PCDH18: variants seen among roughly 807,000 people sequenced by gnomAD.
The protein encoded by PCDH18 is protocadherin 18.
A neutral mutation model predicts 71.5 loss-of-function variants in PCDH18; 38 were observed. That is an observed-to-expected ratio of 0.53 (90% CI 0.41 to 0.70). PCDH18 has a LOEUF of 0.70. Among genes scored for constraint, PCDH18 ranks in the 30% least tolerant of loss-of-function variants. The pLI is 0.00. For missense variants in PCDH18, 1,334 were observed against 1,384.6 expected, an observed-to-expected ratio of 0.96 and a Z score of 0.58; for synonymous variants, 565 against 505.4, an observed-to-expected ratio of 1.12 and a Z score of -1.58.
In PCDH18 at chr4:137,531,666, G is replaced by A; in HGVS notation, c.423C>T (p.Leu141=). 1 of 1,614,004 alleles carries A rather than the reference G, an allele frequency of 6.2e-7. No individual in the cohort carries two copies. Among genetic ancestry groups the A allele is most frequent in the Non-Finnish European group, 8.5e-7 (1 of 1,179,856 alleles). Residue 141 remains leucine (L), a synonymous_variant, in exon 1 of 4, where the codon CTC becomes CTT. Coordinates refer to ENST00000344876, the MANE Select transcript of PCDH18 (RefSeq NM_019035.5). ...CACTCTCAGATATCTCAATAGGTAT[G>A]AGAGATCTTGAAAACTGGGGAGAAT... is the stretch of plus-strand genomic sequence containing the variant. ...NDNSPQFSRS[L]IPIEISESAA...
rs367835292 is a variant in PCDH18, at chr4:137,523,316, T to C, written c.2741-1620A>G. 5.3e-5 allele frequency among the ~76,000 whole-genome samples: 8 copies of C among 151,876 alleles called. No individual in the cohort carries two copies. In the East Asian group the frequency reaches 1.6e-3, roughly 30 times the overall value. On this transcript the variant is annotated intron_variant, in intron 3 of 3. Transcript: ENST00000344876. ...TAGATTTCCTGACTTCATGCAGTATTACTACTTGGAAATGTTTACCAACTT... is the reference window on the plus strand; with the variant it reads ...TAGATTTCCTGACTTCATGCAGTATCACTACTTGGAAATGTTTACCAACTT...
chr4:137,526,526 T>C (rs1731465971), intron 3 of PCDH18, among the ~76,000 whole-genome samples: 1 of 152,120 alleles, frequency 6.6e-6, no homozygotes, highest in Admixed American at 6.6e-5. Context: ...ATTCTAAATA[T>C]ATTCCACTAA....
chr4:137,528,650 AT>A lies in PCDH18; in HGVS notation c.2577-10del. The stretch of plus-strand genomic sequence containing the variant: ...TGTCTTGAAGGGCATATCTGGAAAG[AT>A]AAATCACAAAAAAAAATTACAGTTT... On this transcript the variant is annotated splice_polypyrimidine_tract_variant and intron_variant, in intron 2 of 3. Coordinates refer to ENST00000344876, the MANE Select transcript of PCDH18 (RefSeq NM_019035.5). The A allele has an allele frequency of 3.1e-6, 5 of 1,613,588 alleles. No individual in the cohort carries two copies. Among genetic ancestry groups the A allele is most frequent in the Non-Finnish European group, 4.2e-6 (5 of 1,179,628 alleles).
chr4:137,529,447 C>A, intron 1 of PCDH18, 155 bp downstream of exon 1: 1 of 543,686 alleles, frequency 1.8e-6, no homozygotes, highest in Non-Finnish European at 3.2e-6. Context: ...AAGTGTGCAT[C>A]TTTGCTACAT....
chr4:137,531,726 G>C lies in PCDH18; in HGVS notation c.363C>G (p.Phe121Leu). The C allele has an allele frequency of 6.2e-7, 1 of 1,614,074 alleles. No homozygotes were observed. Among genetic ancestry groups the C allele is most frequent in the South Asian group, 1.1e-5 (1 of 91,082 alleles). Residue 121 changes from phenylalanine (F) to leucine (L), a missense_variant, in exon 1 of 4, where the codon TTC (phenylalanine) becomes TTG (leucine). Transcript: ENST00000344876. Reference protein sequence around the residue: ...ITLPTEHLQLFHIEVEVLDIN... With the variant: ...ITLPTEHLQLLHIEVEVLDIN... ...TATCCAGCACTTCAACTTCAATATGGAAAAGCTGCAGATGCTCTGTGGGTA... is the reference window on the plus strand; with the variant it reads ...TATCCAGCACTTCAACTTCAATATGCAAAAGCTGCAGATGCTCTGTGGGTA...
rs1414027173 is a variant in PCDH18, at chr4:137,530,238, G to A, written c.1851C>T (p.Ser617=). 1.9e-6 allele frequency: 3 copies of A among 1,614,084 alleles called. No homozygotes were observed. The highest frequency in any genetic ancestry group is 2.5e-6 in the Non-Finnish European group (3 of 1,180,006). ...DRDSGVNAEL[S]CAIVAGNEEN... is the part of the protein sequence containing the mutation. ...CCTCATTACCTGCTACTATGGCGCA[G>A]CTGAGTTCAGCATTCACACCAGAGT... The change falls in exon 1 of 4, where the codon AGC becomes AGT. Residue 617 remains serine, a synonymous_variant. Coordinates refer to ENST00000344876, the MANE Select transcript of PCDH18 (RefSeq NM_019035.5).
intron 3 of PCDH18, among the ~76,000 whole-genome samples, chr4:137,527,876 A>T (rs979639180): frequency 1.3e-5 from 2 of 152,196 alleles, no homozygotes; most frequent in African/African-American, 2.4e-5. Flanking sequence ...TGTACTTAAA[A>T]ATTCCACTCT....
chr4:137,523,401 A>C lies in PCDH18; in HGVS notation c.2741-1705T>G, dbSNP rs115017790. ...GGGTTGAAAGTAATTGGAATAACTT[A>C]ATAGCAATGAGGTTTTCTCAGCAGC... On this transcript the variant is annotated intron_variant, in intron 3 of 3. Transcript: ENST00000344876. Among the ~76,000 whole-genome samples, 816 of 152,138 alleles carry C rather than the reference A, an allele frequency of 5.4e-3. 8 individuals carry two copies. Among genetic ancestry groups the C allele is most frequent in the African/African-American group, 0.016 (652 of 41,526 alleles).
rs1274166935 is a variant in PCDH18 at position 137,520,545 on chromosome 4, G to A, written c.*484C>T. 1 of 152,686 alleles carries A rather than the reference G, an allele frequency of 6.5e-6. No homozygotes were observed. Among genetic ancestry groups the A allele is most frequent in the Non-Finnish European group, 1.5e-5 (1 of 68,162 alleles). 9.5% of individuals were successfully genotyped at this position (152,686 alleles called of 1,614,324 possible). On this transcript the variant is annotated 3_prime_UTR_variant, in exon 4 of 4. Coordinates refer to ENST00000344876, the MANE Select transcript of PCDH18 (RefSeq NM_019035.5). ...AAGTAGAGAAAATAACAATAAAATAGCTTAACAATTTTAATGATTCTTAAT... is the reference window on the plus strand; with the variant it reads ...AAGTAGAGAAAATAACAATAAAATAACTTAACAATTTTAATGATTCTTAAT...
Position 137,530,463 on chromosome 4 carries a change from A to C in PCDH18, c.1626T>G (p.Thr542=). The C allele has an allele frequency of 6.2e-7, 1 of 1,614,108 alleles. No homozygotes were observed. The highest frequency in any genetic ancestry group is 8.5e-7 in the Non-Finnish European group (1 of 1,180,002). The change falls in exon 1 of 4, where the codon ACT becomes ACG. Residue 542 remains threonine, a synonymous_variant. Transcript: ENST00000344876. ...IFDHEEVSQI[T]FVVEARDGGS... ...CTCCATCTCTTGCTTCTACCACAAA[A>C]GTGATCTGACTCACTTCTTCATGAT...
At chr4:137,522,552 C>G (rs1251745642) in intron 3 of PCDH18, among the ~76,000 whole-genome samples, 1 of 152,164 alleles carries the variant, frequency 6.6e-6, no homozygotes, top group African/African-American at 2.4e-5. Flanking sequence ...GTAAAATACA[C>G]TCTACAAACC....
chr4:137,522,477 G>A (rs961785032), intron 3 of PCDH18, among the ~76,000 whole-genome samples: 1 of 151,874 alleles, frequency 6.6e-6, no homozygotes, highest in Non-Finnish European at 1.5e-5. Context: ...AAAATAAAGA[G>A]GAAAAAACCC....
At position 137,526,536 on chromosome 4, in the gene PCDH18, A is replaced by C. The variant is rs148979562; in HGVS notation, c.2740+1942T>G. Among the ~76,000 whole-genome samples the C allele has an allele frequency of 3.5e-3, 539 of 152,168 alleles. 6 individuals carry two copies. Among genetic ancestry groups the C allele is most frequent in the African/African-American group, 0.012 (500 of 41,550 alleles). ...GTCTGATTCTAAATATATTCCACTA[A>C]ATTTTCAGAGATTTCTCTTCAAATT... On this transcript the variant is annotated intron_variant, in intron 3 of 3. Coordinates refer to ENST00000344876, the MANE Select transcript of PCDH18 (RefSeq NM_019035.5).
At position 137,532,039 on chromosome 4, in the gene PCDH18, A is replaced by T. The variant is rs1419260534; in HGVS notation, c.50T>A (p.Leu17Gln). 1 of 1,612,916 alleles carries T rather than the reference A, an allele frequency of 6.2e-7. No homozygotes were observed. The highest frequency in any genetic ancestry group is 1.3e-5 in the African/African-American group (1 of 74,880). Residue 17 changes from leucine to glutamine, a missense_variant, in exon 1 of 4, where the codon CTG becomes CAG. Leu to Gln is a moderately radical substitution (Grantham distance 113). This residue lies in a region of PCDH18 where 1,011 missense variants were observed against 1,048.0 expected (regional missense o/e 0.96). Transcript: ENST00000344876. ...TACATCGTGGTTGAAAGATACTATC[A>T]GAAGTGCAAAAACAAACCTAAAGTG... Reference protein sequence around the residue: ...KMHFRFVFALLIVSFNHDVLG... With the variant: ...KMHFRFVFALQIVSFNHDVLG...
Position 137,521,138 on chromosome 4 carries a change from T to C in PCDH18, c.3299A>G (p.Asp1100Gly). 1 of 1,614,156 alleles carries C rather than the reference T, an allele frequency of 6.2e-7. No homozygotes were observed. Among genetic ancestry groups the C allele is most frequent in the Non-Finnish European group, 8.5e-7 (1 of 1,179,976 alleles). ...GAGGTGGTTGAGCACATTGTCAAAATCATCTTCCTCATAATTTTCAGGGAT... is the reference window on the plus strand; with the variant it reads ...GAGGTGGTTGAGCACATTGTCAAAACCATCTTCCTCATAATTTTCAGGGAT... ...EEIPENYEED[D>G]FDNVLNHLND... Residue 1100 changes from aspartate (D) to glycine (G), a missense_variant, in exon 4 of 4, where the codon GAT (aspartate) becomes GGT (glycine). Asp to Gly is a moderately conservative substitution (Grantham distance 94, BLOSUM62 -1). Coordinates refer to ENST00000344876, the MANE Select transcript of PCDH18 (RefSeq NM_019035.5).
In PCDH18 at chr4:137,531,895, C is replaced by T. The variant is rs1369441294; in HGVS notation, c.194G>A (p.Arg65Gln). The change falls in exon 1 of 4, where the codon CGA becomes CAA. Residue 65 changes from arginine to glutamine, a missense_variant. Physicochemically the swap from Arg to Gln is conservative, Grantham distance 43. Coordinates refer to ENST00000344876, the MANE Select transcript of PCDH18 (RefSeq NM_019035.5). Reference sequence around the variant, plus strand: ...ATTTCCCCTCTGCATGGCTCGAAATCGAACAGTAGAAGGATTAGGAAGCTT... The same window carrying T: ...ATTTCCCCTCTGCATGGCTCGAAATTGAACAGTAGAAGGATTAGGAAGCTT... ...LLKLPNPSTV[R>Q]FRAMQRGNSP... 1.9e-6 allele frequency: 3 copies of T among 1,613,910 alleles called. No individual in the cohort carries two copies. Among genetic ancestry groups the T allele is most frequent in the Non-Finnish European group, 2.5e-6 (3 of 1,179,932 alleles).
chr4:137,519,030 T>C lies in PCDH18; in HGVS notation c.*1999A>G, dbSNP rs1417616078. 1 of 152,208 alleles carries C rather than the reference T, an allele frequency of 6.6e-6. No individual in the cohort carries two copies. Among genetic ancestry groups the C allele is most frequent in the African/African-American group, 2.4e-5 (1 of 41,464 alleles). 9.4% of individuals were successfully genotyped at this position (152,208 alleles called of 1,614,324 possible). A position where few individuals can be genotyped will look rare whatever the true frequency, so the allele number is the denominator to read the frequency against. Reference sequence around the variant, plus strand: ...TGCTTTAAATTAAGAACAGTGAGGATATAAAAGTCTTTTTCTTAATGGTAA... The same window carrying C: ...TGCTTTAAATTAAGAACAGTGAGGACATAAAAGTCTTTTTCTTAATGGTAA... On this transcript the variant is annotated 3_prime_UTR_variant, in exon 4 of 4. Coordinates refer to ENST00000344876, the MANE Select transcript of PCDH18 (RefSeq NM_019035.5).
chr4:137,526,109 G>C (rs935069941), intron 3 of PCDH18, among the ~76,000 whole-genome samples: 1 of 151,404 alleles, frequency 6.6e-6, no homozygotes, highest in East Asian at 1.9e-4. Flanking sequence ...CTTACGTGGA[G>C]GTGGCAACTT....
chr4:137,519,434 A>G lies in PCDH18; in HGVS notation c.*1595T>C, dbSNP rs1731225698. The G allele has an allele frequency of 6.6e-6, 1 of 152,130 alleles. No individual in the cohort carries two copies. The highest frequency in any genetic ancestry group is 2.4e-5 in the African/African-American group (1 of 41,426). 9.4% of individuals were successfully genotyped at this position (152,130 alleles called of 1,614,324 possible). On this transcript the variant is annotated 3_prime_UTR_variant, in exon 4 of 4. Transcript: ENST00000344876. ...TTGTAATTTGAAAAATATTCAAGCAATTATTGCTTGCTTACTCTTTTTTCT... is the reference window on the plus strand; with the variant it reads ...TTGTAATTTGAAAAATATTCAAGCAGTTATTGCTTGCTTACTCTTTTTTCT...
Sources: allele counts gnomAD v4.1 joint callset (sites outside exome capture counted in the v4.1 genomes callset), GRCh38; gene constraint gnomAD v4.1.1; regional missense constraint gnomAD v4.1.1; transcripts MANE v1.5; gene names NCBI Gene and HGNC (gene_info 2026-07-23, HGNC 2026-07-21).